HTR5A: variants seen among roughly 807,000 people sequenced by gnomAD.
The protein encoded by HTR5A is 5-hydroxytryptamine receptor 5A.
In HTR5A, 21 loss-of-function variants were observed where a neutral mutation model predicts 24.3. That is an observed-to-expected ratio of 0.86 (90% CI 0.61 to 1.24). The LOEUF is 1.24. Among genes scored for constraint, HTR5A ranks in the 50% most tolerant of loss-of-function variants. The pLI, the probability that HTR5A is intolerant of heterozygous loss-of-function variation, is 0.00. For synonymous variants in HTR5A, 260 were observed against 213.7 expected (o/e 1.22, Z -1.89); for missense variants, 497 against 489.5 (o/e 1.02, Z -0.15).
intron 1 of HTR5A, among the ~76,000 whole-genome samples, chr7:155,081,345 A>G (rs893944): frequency 0.86 from 130,119 of 152,160 alleles, 59,130 homozygotes; most frequent in East Asian, 1. Context: ...AAATAAAAGA[A>G]CATACCAGAT....
Position 155,071,230 on chromosome 7 carries a change from C to T in HTR5A, c.331C>T (p.Arg111Trp). 1.2e-6 allele frequency: 2 copies of T among 1,604,058 alleles called. No homozygotes were observed. The highest frequency in any genetic ancestry group is 2.2e-5 in the South Asian group (2 of 91,064). Reference protein sequence around the residue: ...ELSGRRWQLGRRLCQLWIACD... With the variant: ...ELSGRRWQLGWRLCQLWIACD... Reference sequence around the variant, plus strand: ...GTCCGGGCGCCGCTGGCAGCTAGGTCGGAGGCTGTGCCAGCTTTGGATCGC... The same window carrying T: ...GTCCGGGCGCCGCTGGCAGCTAGGTTGGAGGCTGTGCCAGCTTTGGATCGC... The change falls in exon 1 of 2, where the codon CGG becomes TGG. Residue 111 changes from arginine (R) to tryptophan (W), a missense_variant. By Grantham distance (101) the Arg-to-Trp change is moderately radical. Transcript: ENST00000287907.
chr7:155,073,864 T>TATATATATATATAC (rs1563419431), intron 1 of HTR5A, among the ~76,000 whole-genome samples: 800 of 71,386 alleles, frequency 0.011, 19 homozygotes, highest in African/African-American at 0.039. Flanking sequence ...TGTGTGTGTG[T>TATATATATATATAC]GTATATATAT....
intron 1 of HTR5A, among the ~76,000 whole-genome samples, chr7:155,081,269 A>G (rs868821847): frequency 3.0e-4 from 46 of 152,308 alleles, no homozygotes; most frequent in African/African-American, 8.7e-4. Flanking sequence ...TTCAATACCC[A>G]TTATTGAAGG....
chr7:155,081,194 G>A (rs926559134), intron 1 of HTR5A, among the ~76,000 whole-genome samples: 9 of 152,060 alleles, frequency 5.9e-5, no homozygotes, highest in African/African-American at 2.2e-4. Context: ...CATTCTGACA[G>A]TGATGTGGTC....
chr7:155,075,725 C>A (rs1281873852), intron 1 of HTR5A, among the ~76,000 whole-genome samples: 2 of 152,170 alleles, frequency 1.3e-5, no homozygotes, highest in Non-Finnish European at 2.9e-5. Flanking sequence ...CCATGACTGG[C>A]CACAAGGAAA....
At chr7:155,081,657 A>G (rs960880306) in intron 1 of HTR5A, among the ~76,000 whole-genome samples, 27 of 152,238 alleles carry the variant, frequency 1.8e-4, no homozygotes, top group Non-Finnish European at 2.5e-4. Context: ...GTTATTGTCC[A>G]GATTCAATTA....
rs926197155 is a variant in HTR5A, at chr7:155,080,109, C to T, written c.742-4046C>T. Among the ~76,000 whole-genome samples, 3 of 152,276 alleles carry T rather than the reference C, an allele frequency of 2.0e-5. No individual in the cohort carries two copies. The East Asian group carries it at 5.8e-4, about 29-fold the overall frequency. On this transcript the variant is annotated intron_variant, in intron 1 of 1. Coordinates refer to ENST00000287907, the MANE Select transcript of HTR5A (RefSeq NM_024012.4). ...CAGAAGAAGGAGTTCCAGGACAAAA[C>T]AAAAACCCATGCAACAAGACTTTGC...
Position 155,077,805 on chromosome 7 carries a change from T to A in HTR5A, c.741+6165T>A, listed in dbSNP as rs567062565. On this transcript the variant is annotated intron_variant, in intron 1 of 1. Transcript: ENST00000287907. ...GAATTTTTTGTTTGTTTTTAATTTT[T>A]AAAAACTTGCTACAATTTTCTTTTT... Among the ~76,000 whole-genome samples the A allele has an allele frequency of 5.2e-4, 79 of 152,304 alleles. No homozygotes were observed. The South Asian group carries it at 0.016, about 31-fold the overall frequency.
intron 1 of HTR5A, among the ~76,000 whole-genome samples, chr7:155,080,101 G>A (rs1431992005): frequency 4.6e-5 from 7 of 152,120 alleles, no homozygotes; most frequent in Admixed American, 3.9e-4. Context: ...AGGAGTTCCA[G>A]GACAAAACAA....
rs1180812859 is a variant in HTR5A at position 155,086,208 on chromosome 7, T to C, written c.*1721T>C. ...GTGTTTGAATAAGGGAAGGGAAGTG[T>C]TTGAAAAACCTTATTAAGTACCCCA... On this transcript the variant is annotated 3_prime_UTR_variant, in exon 2 of 2. Coordinates refer to ENST00000287907, the MANE Select transcript of HTR5A (RefSeq NM_024012.4). 6.6e-6 allele frequency among the ~76,000 whole-genome samples: 1 copy of C among 152,204 alleles called. No homozygotes were observed. Among genetic ancestry groups the C allele is most frequent in the East Asian group, 1.9e-4 (1 of 5,198 alleles).
intron 1 of HTR5A, among the ~76,000 whole-genome samples, chr7:155,079,146 G>T (rs1394721757): frequency 1.3e-5 from 2 of 151,808 alleles, no homozygotes; most frequent in African/African-American, 4.8e-5. Flanking sequence ...GTGGAGATGG[G>T]GTCTCTCTAT....
In HTR5A at chr7:155,071,074, C is replaced by A. The variant is rs774888130; in HGVS notation, c.175C>A (p.Leu59Met). 3 of 1,608,986 alleles carry A rather than the reference C, an allele frequency of 1.9e-6. No homozygotes were observed. In the South Asian group the frequency reaches 3.3e-5, roughly 18 times the overall value. Reference sequence around the variant, plus strand: ...GGTGGCGGCGACGTTCGCCTGGAACCTGCTGGTGCTGGCGACCATCCTCCG... The same window carrying A: ...GGTGGCGGCGACGTTCGCCTGGAACATGCTGGTGCTGGCGACCATCCTCCG... ...FLVAATFAWN[L>M]LVLATILRVR... Residue 59 changes from leucine to methionine, a missense_variant, in exon 1 of 2, where the codon CTG (leucine) becomes ATG (methionine). Transcript: ENST00000287907.
chr7:155,072,989 C>T (rs186541096), intron 1 of HTR5A, among the ~76,000 whole-genome samples: 1 of 152,224 alleles, frequency 6.6e-6, no homozygotes, highest in East Asian at 1.9e-4. Context: ...TACTGCCCTC[C>T]AGGAAACATT....
In HTR5A at chr7:155,071,365, T is replaced by C. The variant is rs1299476482; in HGVS notation, c.466T>C (p.Cys156Arg). The C allele has an allele frequency of 2.5e-6, 4 of 1,613,974 alleles. No individual in the cohort carries two copies. The South Asian group carries it at 4.4e-5, about 18-fold the overall frequency. ...HMEYTLRTRK[C>R]VSNVMIALTW... ...GGAATACACGCTCCGCACCCGCAAG[T>C]GCGTCTCCAACGTCATGATCGCGCT... The change falls in exon 1 of 2, where the codon TGC (cysteine) becomes CGC (arginine). Residue 156 changes from cysteine (C) to arginine (R), a missense_variant. Coordinates refer to ENST00000287907, the MANE Select transcript of HTR5A (RefSeq NM_024012.4).
At chr7:155,074,028 G>C (rs1795334275) in intron 1 of HTR5A, among the ~76,000 whole-genome samples, 1 of 151,268 alleles carries the variant, frequency 6.6e-6, no homozygotes, top group Non-Finnish European at 1.5e-5. Flanking sequence ...ATATAATATG[G>C]GGCTGCCTCT....
At chr7:155,073,865 G>GTTTA (rs1554519604) in intron 1 of HTR5A, among the ~76,000 whole-genome samples, 2 of 57,310 alleles carry the variant, frequency 3.5e-5, no homozygotes, top group Admixed American at 1.8e-4. Context: ...GTGTGTGTGT[G>GTTTA]TATATATATA....
Position 155,084,781 on chromosome 7 carries a change from G to T in HTR5A, c.*294G>T. The T allele has an allele frequency of 2.9e-6, 1 of 341,764 alleles. No individual in the cohort carries two copies. Among genetic ancestry groups the T allele is most frequent in the Admixed American group, 5.3e-5 (1 of 19,038 alleles). The allele number at this position is 341,764 out of a possible 1,614,324, so 21.2% of individuals were successfully genotyped here. A position where few individuals can be genotyped will look rare whatever the true frequency, so the allele number is the denominator to read the frequency against. ...TCCTCCCCAAATTCACTCTGGCATG[G>T]TGATCGACATTGTCTTAAAGAAGTC... On this transcript the variant is annotated 3_prime_UTR_variant, in exon 2 of 2. Coordinates refer to ENST00000287907, the MANE Select transcript of HTR5A (RefSeq NM_024012.4).
At position 155,071,281 on chromosome 7, in the gene HTR5A, A is replaced by G; in HGVS notation, c.382A>G (p.Ser128Gly). 1 of 1,608,420 alleles carries G rather than the reference A, an allele frequency of 6.2e-7. No individual in the cohort carries two copies. Among genetic ancestry groups the G allele is most frequent in the Non-Finnish European group, 8.5e-7 (1 of 1,179,844 alleles). ...GTGCGACGTGCTTTGCTGCACGGCC[A>G]GCATCTGGAACGTGACGGCCATAGC... ...IACDVLCCTASIWNVTAIALD... is the reference protein window; with the variant it reads ...IACDVLCCTAGIWNVTAIALD... The change falls in exon 1 of 2, where the codon AGC becomes GGC. Residue 128 changes from serine to glycine, a missense_variant. By Grantham distance (56) the Ser-to-Gly change is moderately conservative (BLOSUM62 0). Coordinates refer to ENST00000287907, the MANE Select transcript of HTR5A (RefSeq NM_024012.4).
rs149473122 is a variant in HTR5A, at chr7:155,071,466, C to T, written c.567C>T (p.Ser189=). 2.4e-3 allele frequency: 3,802 copies of T among 1,614,178 alleles called. 13 individuals carry two copies. The highest frequency in any genetic ancestry group is 4.4e-3 in the South Asian group (400 of 91,084). The change falls in exon 1 of 2, where the codon AGC becomes AGT. Residue 189 remains serine, a synonymous_variant. Transcript: ENST00000287907. ...GGGGAGAGACGTACTCTGAGGGCAG[C>T]GAGGAGTGCCAGGTAAGCCGCGAGC... The part of the protein sequence containing the change: ...FGWGETYSEG[S]EECQVSREPS...
Sources: allele counts gnomAD v4.1 joint callset (sites outside exome capture counted in the v4.1 genomes callset), GRCh38; gene constraint gnomAD v4.1.1; transcripts MANE v1.5; gene names NCBI Gene and HGNC (gene_info 2026-07-23, HGNC 2026-07-21).